Variants in KIF7 observed in about 807,000 individuals in gnomAD.
KIF7 encodes the protein kinesin family member 7, also known as kinesin-like protein KIF7.
Under a neutral mutation model 135.7 loss-of-function variants are expected in KIF7, and 104 were observed. The observed-to-expected ratio is 0.77, with a 90% CI of 0.65 to 0.90. The LOEUF (loss-of-function observed/expected upper bound fraction) is 0.90, where lower values mean the gene tolerates loss of function less well. KIF7 is among the 40% of genes least tolerant of loss of function. The probability of loss-of-function intolerance (pLI) is 0.00; values close to 1 mark genes in which losing one functional copy is unlikely to be tolerated. For missense variants in KIF7, 2,005 were observed against 1,839.1 expected, an observed-to-expected ratio of 1.09 and a Z score of -1.65; for synonymous variants, 883 against 809.4, an observed-to-expected ratio of 1.09 and a Z score of -1.54.
intron 10 of KIF7, among the ~76,000 whole-genome samples, chr15:89,643,474 T>A (rs538223724): frequency 1.3e-5 from 2 of 152,174 alleles, no homozygotes; most frequent in Non-Finnish European, 2.9e-5. Flanking sequence ...CAATCCCACA[T>A]AGATATCAAG....
intron 1 of KIF7, among the ~76,000 whole-genome samples, chr15:89,653,989 ATTTTTG>A (rs757468965): frequency 6.0e-4 from 91 of 151,944 alleles, no homozygotes; most frequent in South Asian, 1.0e-3. Context: ...GATTCAAAAT[ATTTTTG>A]TTTTTGTTTT....
chr15:89,640,181 T>C (rs1262061769), intron 11 of KIF7, among the ~76,000 whole-genome samples: 1 of 151,860 alleles, frequency 6.6e-6, no homozygotes, highest in Non-Finnish European at 1.5e-5. Flanking sequence ...CTGGGAGATA[T>C]ACCTAATGCT....
intron 8 of KIF7, 45 bp downstream of exon 8, chr15:89,645,848 C>T: frequency 6.2e-7 from 1 of 1,604,052 alleles, no homozygotes; most frequent in Non-Finnish European, 8.5e-7. Flanking sequence ...TAGCCCTGGG[C>T]CCTGAGCAGG....
At chr15:89,653,770 TAGTA>T (rs1964162724) in intron 1 of KIF7, among the ~76,000 whole-genome samples, 3 of 151,052 alleles carry the variant, frequency 2.0e-5, no homozygotes, top group Admixed American at 6.6e-5. Context: ...GTATTAGTAT[TAGTA>T]TTAGTATTAG....
intron 7 of KIF7, 124 bp from the exon 8 acceptor site, chr15:89,646,150 C>G (rs1313673555): frequency 5.7e-6 from 7 of 1,236,374 alleles, no homozygotes; most frequent in Non-Finnish European, 8.2e-6. Context: ...GCTCAAATGA[C>G]CCCTCTGGCA....
the KIF7 span, among the ~76,000 whole-genome samples, chr15:89,661,181 A>G: frequency 6.6e-6 from 1 of 152,240 alleles, no homozygotes; most frequent in Non-Finnish European, 1.5e-5. Context: ...TTCTAATGCA[A>G]ATGACTGAAT....
At position 89,646,970 on chromosome 15, in the gene KIF7, G is replaced by T. The variant is rs763388257; in HGVS notation, c.1648C>A (p.Leu550Ile). Residue 550 changes from leucine (L) to isoleucine (I), a missense_variant, in exon 7 of 19, where the codon CTC becomes ATC. Physicochemically the swap from Leu to Ile is conservative, Grantham distance 5. Coordinates refer to ENST00000394412, the MANE Select transcript of KIF7 (RefSeq NM_198525.3). Reference sequence around the variant, plus strand: ...GACCCGGGAGGCAGGCCATTCAGGAGCCGCGGGCCCCCCCAGCCTGGCCGC... The same window carrying T: ...GACCCGGGAGGCAGGCCATTCAGGATCCGCGGGCCCCCCCAGCCTGGCCGC... ...LVRPGWGGPR[L>I]LNGLPPGSFV... 2.5e-6 allele frequency: 4 copies of T among 1,613,310 alleles called. No individual in the cohort carries two copies. Among genetic ancestry groups the T allele is most frequent in the Non-Finnish European group, 3.4e-6 (4 of 1,179,764 alleles).
chr15:89,633,691 C>T lies in KIF7; in HGVS notation c.2587G>A (p.Val863Ile), dbSNP rs767054471. 49 of 1,606,732 alleles carry T rather than the reference C, an allele frequency of 3.0e-5. No individual in the cohort carries two copies. The highest frequency in any genetic ancestry group is 2.1e-4 in the Middle Eastern group (1 of 4,878). The stretch of plus-strand genomic sequence containing the variant: ...CACCCTGCCGTGAGCCTGACCTTGA[C>T]GCGGTGCTGCCGCTTGCTCATTTCT... ...EAEMSKRQHR[V>I]KELELKHEQQ... Residue 863 changes from valine (V) to isoleucine (I), a missense_variant, in exon 12 of 19, where the codon GTC becomes ATC. Coordinates refer to ENST00000394412, the MANE Select transcript of KIF7 (RefSeq NM_198525.3).
Position 89,631,559 on chromosome 15 carries a change from G to A in KIF7, c.3047C>T (p.Ser1016Leu), listed in dbSNP as rs184438388. 5.7e-6 allele frequency: 9 copies of A among 1,574,918 alleles called. No homozygotes were observed. In the African/African-American group the frequency reaches 8.1e-5, roughly 14 times the overall value. Reference protein sequence around the residue: ...EIDSLRQEKDSLLKQRLEIDG... With the variant: ...EIDSLRQEKDLLLKQRLEIDG... ...GATCTCCAGGCGCTGCTTGAGCAGC[G>A]AGTCCTTCTCCTGGCGCAGGCTGTC... The change falls in exon 15 of 19, where the codon TCG (serine) becomes TTG (leucine). Residue 1016 changes from serine to leucine, a missense_variant. Physicochemically the swap from Ser to Leu is moderately radical, Grantham distance 145. Coordinates refer to ENST00000394412, the MANE Select transcript of KIF7 (RefSeq NM_198525.3).
downstream of KIF7, chr15:89,624,957 T>C: frequency 6.2e-7 from 1 of 1,614,052 alleles, no homozygotes; most frequent in Non-Finnish European, 8.5e-7. Context: ...CAGCTTGGCA[T>C]TCCACAGACT....
At chr15:89,623,704 T>C, downstream of KIF7, 3 of 1,613,944 alleles carry the variant, frequency 1.9e-6, no homozygotes, top group East Asian at 2.2e-5. Context: ...ACAAACTCCG[T>C]TGTATACTCC....
downstream of KIF7, chr15:89,625,611 G>C (rs753827803): frequency 2.5e-6 from 4 of 1,613,228 alleles, no homozygotes; most frequent in South Asian, 4.4e-5. Flanking sequence ...CCTGGGGACA[G>C]TTTGGGTTGA....
intron 15 of KIF7, 42 bp downstream of exon 15, chr15:89,631,453 T>C (rs990835527): frequency 6.0e-6 from 9 of 1,503,022 alleles, no homozygotes; most frequent in Non-Finnish European, 7.2e-6. Context: ...CAGACAGGCA[T>C]ACAATGGCAC....
At chr15:89,621,597 C>G (rs1419653488) in intron 1 of KIF7, 48 of 1,513,002 alleles carry the variant, frequency 3.2e-5, no homozygotes, top group Non-Finnish European at 4.0e-5. Context: ...TCCTGGAACA[C>G]AGAGACATGG....
chr15:89,659,868 A>G (rs550988559), upstream of KIF7, among the ~76,000 whole-genome samples: 6 of 152,370 alleles, frequency 3.9e-5, no homozygotes, highest in East Asian at 9.6e-4. Context: ...AACTCTTATA[A>G]GAATGTTCAT....
chr15:89,650,377 A>G (rs907169600), intron 2 of KIF7, among the ~76,000 whole-genome samples: 2 of 152,190 alleles, frequency 1.3e-5, no homozygotes, highest in Admixed American at 6.5e-5. Flanking sequence ...CGAAGATCCA[A>G]TAGGAGATCT....
intron 18 of KIF7, 85 bp from the exon 19 acceptor site, chr15:89,628,871 A>C (rs1349856693): frequency 1.2e-6 from 2 of 1,609,932 alleles, no homozygotes; most frequent in Non-Finnish European, 1.7e-6. Context: ...CCAGCACAAT[A>C]AGCAACCTGT....
chr15:89,642,446 C>T, intron 10 of KIF7, 41 bp from the exon 11 acceptor site: 1 of 1,512,930 alleles, frequency 6.6e-7, no homozygotes. Flanking sequence ...AGCCCTGCTC[C>T]ACCGAGAGGG....
At chr15:89,660,163 A>C (rs1596035328), upstream of KIF7, among the ~76,000 whole-genome samples, 1 of 152,188 alleles carries the variant, frequency 6.6e-6, no homozygotes, top group African/African-American at 2.4e-5. Context: ...GTACCACTGC[A>C]CTCCAGCCTG....
Sources: allele counts gnomAD v4.1 joint callset (sites outside exome capture counted in the v4.1 genomes callset), GRCh38; gene constraint gnomAD v4.1.1; transcripts MANE v1.5; gene names NCBI Gene and HGNC (gene_info 2026-07-23, HGNC 2026-07-21).